MYH15: variants seen among roughly 807,000 people sequenced by gnomAD.
MYH15 encodes the protein myosin heavy chain 15.
MYH15 carries 227 observed loss-of-function variants against 240.5 expected under a neutral mutation model. The ratio of observed to expected loss-of-function variants is 0.94; its 90% CI spans 0.85 to 1.05. MYH15 has a LOEUF of 1.05. Ranked by LOEUF, MYH15 falls within the 50% of genes least tolerant of loss-of-function variation. MYH15 has a pLI of 0.00. For synonymous variants in MYH15, 785 were observed against 796.7 expected, an observed-to-expected ratio of 0.99 and a Z score of 0.25; for missense variants, 2,217 against 2,247.5, an observed-to-expected ratio of 0.99 and a Z score of 0.27.
At chr3:108,470,562 C>A in intron 13 of MYH15, 136 bp downstream of exon 13, 2 of 752,792 alleles carry the variant, frequency 2.7e-6, no homozygotes, top group East Asian at 5.5e-5. Flanking sequence ...AATTATAGCT[C>A]TTTTCCAAAC....
chr3:108,449,122 T>C (rs2082952313), intron 21 of MYH15, among the ~76,000 whole-genome samples: 1 of 152,046 alleles, frequency 6.6e-6, no homozygotes, highest in Admixed American at 6.5e-5. Context: ...AAATATCTTG[T>C]GTTCATGAAT....
At chr3:108,441,998 G>C (rs1355323433) in intron 22 of MYH15, among the ~76,000 whole-genome samples, 1 of 152,178 alleles carries the variant, frequency 6.6e-6, no homozygotes, top group Non-Finnish European at 1.5e-5. Context: ...TTTTACTACA[G>C]AGCACCTTTC....
rs1576246308 is a variant in MYH15 at position 108,459,233 on chromosome 3, T to G, written c.2020+129A>C. On this transcript the variant is annotated intron_variant, in intron 18 of 40. Transcript: ENST00000693548. ...TCCAAAGACCTCATTTTTAACATAT[T>G]TTCATTTTTCTATATGAAATTCTAC... 5 of 612,486 alleles carry G rather than the reference T, an allele frequency of 8.2e-6. No individual in the cohort carries two copies. In the East Asian group the frequency reaches 1.3e-4, roughly 16 times the overall value. The allele number at this position is 612,486 out of a possible 1,614,324, so 37.9% of individuals were successfully genotyped here.
At position 108,470,202 on chromosome 3, in the gene MYH15, A is replaced by G; in HGVS notation, c.1394T>C (p.Leu465Pro). 4 of 1,604,128 alleles carry G rather than the reference A, an allele frequency of 2.5e-6. No homozygotes were observed. Among genetic ancestry groups the G allele is most frequent in the Non-Finnish European group, 3.4e-6 (4 of 1,175,128 alleles). Residue 465 changes from leucine (L) to proline (P), a missense_variant, in exon 14 of 41, where the codon CTT (leucine) becomes CCT (proline). Leu to Pro is a moderately conservative substitution (Grantham distance 98, BLOSUM62 -3). Coordinates refer to ENST00000693548, the MANE Select transcript of MYH15 (RefSeq NM_014981.3). ...GGTAAAATTAATGCAAAGTTGCTCA[A>G]GGCTATTATACTTCAAGGATATGAA... The part of the protein sequence containing the change: ...TGFEILEYNS[L>P]EQLCINFTNE...
At chr3:108,465,680 A>G (rs1350346513) in intron 14 of MYH15, among the ~76,000 whole-genome samples, 1 of 152,206 alleles carries the variant, frequency 6.6e-6, no homozygotes, top group Non-Finnish European at 1.5e-5. Flanking sequence ...TCACGCCAGC[A>G]CTTTGGGAGG....
chr3:108,493,855 T>C (rs1358776747), intron 7 of MYH15, among the ~76,000 whole-genome samples: 3 of 152,210 alleles, frequency 2.0e-5, no homozygotes, highest in Admixed American at 6.5e-5. Flanking sequence ...GGAGACATTG[T>C]AAGGTTTTAA....
chr3:108,510,664 T>G, upstream of MYH15: 1 of 1,390,764 alleles, frequency 7.2e-7, no homozygotes, highest in Non-Finnish European at 9.9e-7. Context: ...ACCATTCACA[T>G]AGATAGACTA....
Position 108,464,671 on chromosome 3 carries a change from T to G in MYH15, c.1698A>C (p.Glu566Asp). 6.2e-7 allele frequency: 1 copy of G among 1,613,418 alleles called. No homozygotes were observed. Among genetic ancestry groups the G allele is most frequent in the Non-Finnish European group, 8.5e-7 (1 of 1,179,684 alleles). ...CATAATGGACAAGTTCAAAATGAGC[T>G]TCAAATTTCTTCTTATCAGGCTTGG... ...QKPKPDKKKFEAHFELVHYAG... is the reference protein window; with the variant it reads ...QKPKPDKKKFDAHFELVHYAG... Residue 566 changes from glutamate (E) to aspartate (D), a missense_variant, in exon 15 of 41, where the codon GAA becomes GAC. Glu to Asp is a conservative substitution (Grantham distance 45). Coordinates refer to ENST00000693548, the MANE Select transcript of MYH15 (RefSeq NM_014981.3).
chr3:108,516,568 C>A (rs930183845), intron 1 of MYH15, among the ~76,000 whole-genome samples: 1 of 152,164 alleles, frequency 6.6e-6, no homozygotes, highest in African/African-American at 2.4e-5. Flanking sequence ...ACTAGGTAGA[C>A]AAATGATGCT....
chr3:108,511,715 C>T (rs549082626), upstream of MYH15, among the ~76,000 whole-genome samples: 1 of 152,324 alleles, frequency 6.6e-6, no homozygotes, highest in East Asian at 1.9e-4. Flanking sequence ...GCCAAGTTTG[C>T]TTAGCTCAGG....
chr3:108,530,875 T>C (rs1190948997), upstream of MYH15, among the ~76,000 whole-genome samples: 8 of 152,352 alleles, frequency 5.3e-5, no homozygotes, highest in South Asian at 1.7e-3. Flanking sequence ...ATAGTTATTA[T>C]AACTGTATTT....
In MYH15 at chr3:108,470,106, C is replaced by T. The variant is rs763387205; in HGVS notation, c.1490G>A (p.Ser497Asn). Reference sequence around the variant, plus strand: ...AAAGCCAATAGACACCCATTCAATGCTTTCTTTCTTATATTCCTCTTGCTC... The same window carrying T: ...AAAGCCAATAGACACCCATTCAATGTTTTCTTTCTTATATTCCTCTTGCTC... ...VLEQEEYKKE[S>N]IEWVSIGFGL... Residue 497 changes from serine (S) to asparagine (N), a missense_variant, in exon 14 of 41, where the codon AGC becomes AAC. Transcript: ENST00000693548. 2.5e-6 allele frequency: 4 copies of T among 1,611,922 alleles called. No individual in the cohort carries two copies. The African/African-American group carries it at 5.4e-5, about 22-fold the overall frequency.
chr3:108,506,710 C>T (rs1437346477), intron 1 of MYH15, among the ~76,000 whole-genome samples: 1 of 152,084 alleles, frequency 6.6e-6, no homozygotes, highest in Non-Finnish European at 1.5e-5. Context: ...CATAGCAAGA[C>T]CCTTTACTCC....
intron 12 of MYH15, among the ~76,000 whole-genome samples, chr3:108,475,004 T>C (rs1477052709): frequency 1.3e-5 from 2 of 152,154 alleles, no homozygotes; most frequent in Non-Finnish European, 2.9e-5. Flanking sequence ...ATAGTAGAGG[T>C]AGAATTATCC....
intron 9 of MYH15, among the ~76,000 whole-genome samples, chr3:108,489,443 C>T (rs944905735): frequency 2.6e-5 from 4 of 152,058 alleles, no homozygotes; most frequent in Admixed American, 6.6e-5. Context: ...GCTATACAGA[C>T]GGCAGTAAGA....
In MYH15 at chr3:108,476,490, C is replaced by G; in HGVS notation, c.1140G>C (p.Met380Ile). 3 of 1,612,514 alleles carry G rather than the reference C, an allele frequency of 1.9e-6. No homozygotes were observed. Among genetic ancestry groups the G allele is most frequent in the Non-Finnish European group, 2.5e-6 (3 of 1,178,902 alleles). The change falls in exon 12 of 41, where the codon ATG becomes ATC. Residue 380 changes from methionine (M) to isoleucine (I), a missense_variant. Transcript: ENST00000693548. ...TTACCAACTCAGAGGAGTTAATGCCCATGAGGAAAGCAGCTTTGTCAGCAT... is the reference window on the plus strand; with the variant it reads ...TTACCAACTCAGAGGAGTTAATGCCGATGAGGAAAGCAGCTTTGTCAGCAT... ...TENADKAAFL[M>I]GINSSELVKC...
At chr3:108,498,574 C>G (rs1295844697) in intron 5 of MYH15, among the ~76,000 whole-genome samples, 2 of 152,186 alleles carry the variant, frequency 1.3e-5, no homozygotes, top group Non-Finnish European at 2.9e-5. Context: ...GGGCTTTAGG[C>G]TTTACCTTAC....
intron 17 of MYH15, among the ~76,000 whole-genome samples, chr3:108,460,029 C>T (rs2083057671): frequency 6.6e-6 from 1 of 152,100 alleles, no homozygotes; most frequent in Non-Finnish European, 1.5e-5. Flanking sequence ...TTAGTTTCCC[C>T]TTTGGCTAAG....
chr3:108,426,496 C>T (rs1487953314), intron 27 of MYH15, among the ~76,000 whole-genome samples: 2 of 152,220 alleles, frequency 1.3e-5, no homozygotes, highest in African/African-American at 4.8e-5. Context: ...CTCAGGCAGG[C>T]CCAGGTTCAG....
Sources: gnomAD v4.1 joint callset for allele counts (sites outside exome capture counted in the v4.1 genomes callset) on GRCh38, gnomAD v4.1.1 for gene constraint, MANE v1.5 for transcripts, NCBI Gene and HGNC (gene_info 2026-07-23, HGNC 2026-07-21) for gene names.